The following GABBR2 variants were observed in gnomAD, a reference collection of about 807,000 sequenced individuals.
GABBR2 encodes G-protein coupled receptor 51.
In GABBR2, 23 loss-of-function variants were observed where a neutral mutation model predicts 105.6. The ratio of observed to expected loss-of-function variants is 0.22; its 90% CI spans 0.16 to 0.31. The LOEUF (loss-of-function observed/expected upper bound fraction) is 0.31. Ranked by LOEUF, GABBR2 falls within the 10% of genes least tolerant of loss-of-function variation. The probability of loss-of-function intolerance (pLI) is 1.00; values close to 1 mark genes in which losing one functional copy is unlikely to be tolerated. For synonymous variants in GABBR2, 478 were observed against 499.7 expected (o/e 0.96, Z 0.58); for missense variants, 734 against 1,245.5 (o/e 0.59, Z 6.18).
chr9:98,589,971 C>A (rs1280814920), intron 1 of GABBR2, among the ~76,000 whole-genome samples: 1 of 152,194 alleles, frequency 6.6e-6, no homozygotes, highest in East Asian at 1.9e-4. Flanking sequence ...TCAAGCAATC[C>A]TCCCACCTTG....
At chr9:98,680,274 A>C (rs1830526752) in intron 1 of GABBR2, among the ~76,000 whole-genome samples, 1 of 152,064 alleles carries the variant, frequency 6.6e-6, no homozygotes, top group Non-Finnish European at 1.5e-5. Context: ...TTCCAACCAA[A>C]ATACTAATTC....
intron 3 of GABBR2, among the ~76,000 whole-genome samples, chr9:98,514,382 T>A (rs1406634416): frequency 1.0e-5 from 1 of 99,250 alleles, no homozygotes; most frequent in Non-Finnish European, 2.2e-5. Flanking sequence ...TGTGCACATG[T>A]ACCCTAAAAC....
Position 98,578,050 on chromosome 9 carries a change from T to A in GABBR2, c.344A>T (p.Lys115Ile), listed in dbSNP as rs2131780498. The A allele has an allele frequency of 6.2e-7, 1 of 1,613,902 alleles. No individual in the cohort carries two copies. The highest frequency in any genetic ancestry group is 1.1e-5 in the South Asian group (1 of 90,970). The change falls in exon 2 of 19, where the codon AAA becomes ATA. Residue 115 changes from lysine (K) to isoleucine (I), a missense_variant. By Grantham distance (102) the Lys-to-Ile change is moderately radical. Around this residue, in one of 7 missense-constraint regions of GABBR2, gnomAD observed 370 missense variants for 648.9 expected, o/e 0.57. Coordinates refer to ENST00000259455, the MANE Select transcript of GABBR2 (RefSeq NM_005458.8). ...DTECDNAKGLKAFYDAIKYGP... is the reference protein window; with the variant it reads ...DTECDNAKGLIAFYDAIKYGP... ...GTATTTTATTGCATCGTAGAAGGCT[T>A]TCAACCCTTTTGCGTTGTCGCACTG...
At chr9:98,374,730 C>T (rs974397017) in intron 11 of GABBR2, among the ~76,000 whole-genome samples, 13 of 152,192 alleles carry the variant, frequency 8.5e-5, no homozygotes, top group African/African-American at 2.9e-4. Flanking sequence ...TGTGCTCCTC[C>T]GCTGTGATAG....
At chr9:98,606,035 T>C (rs1195594936) in intron 1 of GABBR2, among the ~76,000 whole-genome samples, 1 of 152,184 alleles carries the variant, frequency 6.6e-6, no homozygotes, top group Non-Finnish European at 1.5e-5. Flanking sequence ...TTTGGTTTTT[T>C]GTCCTTGCTA....
chr9:98,665,683 C>T (rs1221646035), intron 1 of GABBR2, among the ~76,000 whole-genome samples: 1 of 152,182 alleles, frequency 6.6e-6, no homozygotes, highest in East Asian at 1.9e-4. Context: ...CTAGATGCTG[C>T]TTGAAAGGCA....
At chr9:98,367,019 G>T (rs1831689000) in intron 12 of GABBR2, among the ~76,000 whole-genome samples, 2 of 151,930 alleles carry the variant, frequency 1.3e-5, no homozygotes, top group Admixed American at 1.3e-4. Flanking sequence ...TTGGTCTTTA[G>T]AAAAAAAGTA....
intron 1 of GABBR2, among the ~76,000 whole-genome samples, chr9:98,583,594 G>T (rs1183578814): frequency 6.6e-6 from 1 of 152,212 alleles, no homozygotes; most frequent in African/African-American, 2.4e-5. Context: ...CCTCAGGAAG[G>T]GTGGGTGAAT....
chr9:98,423,691 C>T (rs1443928506), intron 7 of GABBR2, among the ~76,000 whole-genome samples: 1 of 152,156 alleles, frequency 6.6e-6, no homozygotes, highest in Non-Finnish European at 1.5e-5. Context: ...ATGCCTATGT[C>T]CTGAATGGTA....
Position 98,423,973 on chromosome 9 carries a change from G to T in GABBR2, c.1237-17832C>A, listed in dbSNP as rs925990409. Among the ~76,000 whole-genome samples, 11 of 152,070 alleles carry T rather than the reference G, an allele frequency of 7.2e-5. 1 individual carries two copies. The highest frequency in any genetic ancestry group is 7.2e-4 in the Admixed American group (11 of 15,256). On this transcript the variant is annotated intron_variant, in intron 7 of 18. Transcript: ENST00000259455. Reference sequence around the variant, plus strand: ...CTGTTCTATATCTATATCTATATCTGATCTATATCTCTGTTTTGGTACCAG... The same window carrying T: ...CTGTTCTATATCTATATCTATATCTTATCTATATCTCTGTTTTGGTACCAG...
chr9:98,306,883 C>T lies in GABBR2; in HGVS notation c.2005-538G>A, dbSNP rs938226815. Reference sequence around the variant, plus strand: ...TTTTTCAGCTGCCCTAGAGGCTAGGCGTGGCATATTGCTAGCTTCTGGACA... The same window carrying T: ...TTTTTCAGCTGCCCTAGAGGCTAGGTGTGGCATATTGCTAGCTTCTGGACA... On this transcript the variant is annotated intron_variant, in intron 14 of 18. Coordinates refer to ENST00000259455, the MANE Select transcript of GABBR2 (RefSeq NM_005458.8). The surrounding 1 kb of genome is among the most constrained non-coding windows in gnomAD (Gnocchi z 5.4). Among the ~76,000 whole-genome samples, 7 of 152,168 alleles carry T rather than the reference C, an allele frequency of 4.6e-5. No homozygotes were observed. The highest frequency in any genetic ancestry group is 1.2e-4 in the African/African-American group (5 of 41,426).
At position 98,464,459 on chromosome 9, in the gene GABBR2, C is replaced by T. The variant is rs1471787078; in HGVS notation, c.999+8687G>A. On this transcript the variant is annotated intron_variant, in intron 6 of 18. Coordinates refer to ENST00000259455, the MANE Select transcript of GABBR2 (RefSeq NM_005458.8). ...GCTGCCCCAAATGGGAACTGAGGAGCGCCTCTGCCTGGCCGCCCCCATCTG... is the reference window on the plus strand; with the variant it reads ...GCTGCCCCAAATGGGAACTGAGGAGTGCCTCTGCCTGGCCGCCCCCATCTG... Among the ~76,000 whole-genome samples the T allele has an allele frequency of 9.5e-5, 14 of 146,824 alleles. 1 individual carries two copies. The highest frequency in any genetic ancestry group is 3.7e-3 in the Middle Eastern group (1 of 270).
At chr9:98,316,056 C>T (rs1049763636) in intron 13 of GABBR2, among the ~76,000 whole-genome samples, 16 of 152,228 alleles carry the variant, frequency 1.1e-4, no homozygotes, top group South Asian at 2.1e-4. Context: ...GGCCTAAGCC[C>T]GGGCTTCGGC....
At chr9:98,620,418 C>T (rs1829653382) in intron 1 of GABBR2, among the ~76,000 whole-genome samples, 1 of 152,014 alleles carries the variant, frequency 6.6e-6, no homozygotes, top group South Asian at 2.1e-4. Flanking sequence ...TTAAAATAAT[C>T]TTATTTAAAA....
rs146938155 is a variant in GABBR2, at chr9:98,611,990, T to C, written c.322-33918A>G. On this transcript the variant is annotated intron_variant, in intron 1 of 18. Transcript: ENST00000259455. Reference sequence around the variant, plus strand: ...GAGAACAGGCCTGCTCAGTTTCTGGTTGGTCTATCCAAACCCATCTTTGAG... The same window carrying C: ...GAGAACAGGCCTGCTCAGTTTCTGGCTGGTCTATCCAAACCCATCTTTGAG... Among the ~76,000 whole-genome samples, 30 of 152,378 alleles carry C rather than the reference T, an allele frequency of 2.0e-4. No homozygotes were observed. In the East Asian group the frequency reaches 4.0e-3, roughly 21 times the overall value.
chr9:98,360,580 T>C (rs1831565276), intron 13 of GABBR2, among the ~76,000 whole-genome samples: 1 of 152,152 alleles, frequency 6.6e-6, no homozygotes, highest in African/African-American at 2.4e-5. Flanking sequence ...TGCAGCACCC[T>C]GGGACTCCTC....
At chr9:98,679,756 G>A (rs1291029430) in intron 1 of GABBR2, among the ~76,000 whole-genome samples, 1 of 152,158 alleles carries the variant, frequency 6.6e-6, no homozygotes, top group Non-Finnish European at 1.5e-5. Context: ...TCATGGAGAG[G>A]TGCCCTCTGT....
At chr9:98,628,349 G>A (rs1352643043) in intron 1 of GABBR2, among the ~76,000 whole-genome samples, 2 of 152,158 alleles carry the variant, frequency 1.3e-5, no homozygotes, top group Admixed American at 6.5e-5. Flanking sequence ...AAATATATCA[G>A]TTTTAAAAGG....
intron 1 of GABBR2, among the ~76,000 whole-genome samples, chr9:98,692,133 T>G (rs1443921806): frequency 6.6e-6 from 1 of 152,158 alleles, no homozygotes; most frequent in Non-Finnish European, 1.5e-5. Context: ...ACACAGCTAG[T>G]AAGTGCTCTT....
Sources: allele counts gnomAD v4.1 joint callset (sites outside exome capture counted in the v4.1 genomes callset), GRCh38; gene constraint gnomAD v4.1.1; regional missense constraint gnomAD v4.1.1; non-coding constraint Gnocchi (gnomAD v3.1); transcripts MANE v1.5; gene names NCBI Gene and HGNC (gene_info 2026-07-23, HGNC 2026-07-21).